Variants in OR56A3 observed in about 807,000 individuals in gnomAD.
OR56A3 encodes the protein olfactory receptor 56A3.
In OR56A3, 23 loss-of-function variants were observed where a neutral mutation model predicts 17.5. That is an observed-to-expected ratio of 1.32 (90% CI 0.95 to 1.87). The LOEUF is 1.87. Among genes scored for constraint, OR56A3 ranks in the 40% most tolerant of loss-of-function variants. OR56A3 has a pLI of 0.00. For synonymous variants in OR56A3, 175 were observed against 150.6 expected, an observed-to-expected ratio of 1.16 and a Z score of -1.19; for missense variants, 366 against 380.1, an observed-to-expected ratio of 0.96 and a Z score of 0.31.
downstream of OR56A3, among the ~76,000 whole-genome samples, chr11:5,954,052 T>C (rs1847921350): frequency 6.6e-6 from 1 of 152,144 alleles, no homozygotes; most frequent in African/African-American, 2.4e-5. Flanking sequence ...AAATGTGGAT[T>C]TTGGAACCTG....
the OR56A3 span, among the ~76,000 whole-genome samples, chr11:5,984,153 G>A: frequency 2.6e-5 from 4 of 152,170 alleles, no homozygotes; most frequent in African/African-American, 9.7e-5. Flanking sequence ...GGTTCCACTT[G>A]TATTTTCTAA....
chr11:5,986,379 A>G, the OR56A3 span: 3 of 1,613,814 alleles, frequency 1.9e-6, no homozygotes, highest in East Asian at 2.2e-5. Flanking sequence ...GGCAGAAGAT[A>G]AGTGTTCCCA....
the OR56A3 span, among the ~76,000 whole-genome samples, chr11:5,984,948 A>C: frequency 1.3e-5 from 2 of 152,218 alleles, no homozygotes; most frequent in East Asian, 3.8e-4. Flanking sequence ...TCAGGGCAAC[A>C]TCAACAAACA....
the OR56A3 span, among the ~76,000 whole-genome samples, chr11:5,970,060 G>C: frequency 6.6e-6 from 1 of 152,150 alleles, no homozygotes; most frequent in Non-Finnish European, 1.5e-5. Flanking sequence ...TGTTGTGGAG[G>C]CAGAGATTAT....
the OR56A3 span, among the ~76,000 whole-genome samples, chr11:6,011,443 T>C: frequency 6.6e-6 from 1 of 152,166 alleles, no homozygotes; most frequent in South Asian, 2.1e-4. Flanking sequence ...TCTCTCTTTC[T>C]CTGGATCAAG....
the OR56A3 span, chr11:5,967,725 A>G: frequency 3.1e-6 from 5 of 1,612,090 alleles, no homozygotes; most frequent in Non-Finnish European, 4.2e-6. Context: ...AACCAGCAGG[A>G]CTGTGGTGAA....
the OR56A3 span, among the ~76,000 whole-genome samples, chr11:5,997,216 T>C: frequency 1.3e-5 from 2 of 152,312 alleles, no homozygotes; most frequent in African/African-American, 4.8e-5. Flanking sequence ...CAGCAGATTT[T>C]GGGATATTGG....
the OR56A3 span, among the ~76,000 whole-genome samples, chr11:5,961,124 C>T: frequency 5.3e-5 from 8 of 150,540 alleles, no homozygotes; most frequent in Non-Finnish European, 7.4e-5. Flanking sequence ...CCGCCCCGTC[C>T]GGGAGGTGGG....
At chr11:5,984,843 C>T in the OR56A3 span, among the ~76,000 whole-genome samples, 1 of 152,118 alleles carries the variant, frequency 6.6e-6, no homozygotes, top group African/African-American at 2.4e-5. Context: ...ATCTTATCTC[C>T]CGAGCATCTT....
At chr11:6,007,841 G>T in the OR56A3 span, among the ~76,000 whole-genome samples, 1 of 152,194 alleles carries the variant, frequency 6.6e-6, no homozygotes, top group Non-Finnish European at 1.5e-5. Flanking sequence ...TGCTTTTCCT[G>T]TGAACCTTTC....
At chr11:5,962,464 T>C in the OR56A3 span, among the ~76,000 whole-genome samples, 22 of 152,248 alleles carry the variant, frequency 1.4e-4, no homozygotes, top group African/African-American at 3.8e-4. Context: ...TTGAGAAGAA[T>C]TGATGTTAGT....
Position 5,942,302 on chromosome 11 carries a change from C to G in OR56A3, c.-386C>G, listed in dbSNP as rs1014944638. ...TCTGTCTTCAGTCCCTATCTGTGCTCTTTTCCATTCCTGCGTCAATACTGC... is the reference window on the plus strand; with the variant it reads ...TCTGTCTTCAGTCCCTATCTGTGCTGTTTTCCATTCCTGCGTCAATACTGC... On this transcript the variant is annotated 5_prime_UTR_variant, in exon 1 of 3. Transcript: ENST00000641160. The G allele has an allele frequency of 1.3e-5, 2 of 152,168 alleles. No individual in the cohort carries two copies. The highest frequency in any genetic ancestry group is 4.8e-5 in the African/African-American group (2 of 41,444). 9.4% of individuals were successfully genotyped at this position (152,168 alleles called of 1,614,324 possible).
At chr11:6,001,886 C>A in the OR56A3 span, 1 of 617,674 alleles carries the variant, frequency 1.6e-6, no homozygotes, top group South Asian at 4.0e-5. Flanking sequence ...AACAAAGATT[C>A]ACAAATAAAT....
the OR56A3 span, among the ~76,000 whole-genome samples, chr11:5,958,270 A>T: frequency 8.5e-5 from 13 of 152,174 alleles, no homozygotes; most frequent in Non-Finnish European, 1.8e-4. Flanking sequence ...ATTTTAATAG[A>T]TGACTGCAAA....
At chr11:5,965,390 C>T in the OR56A3 span, among the ~76,000 whole-genome samples, 104 of 152,192 alleles carry the variant, frequency 6.8e-4, 2 homozygotes, top group South Asian at 0.011. Flanking sequence ...ACATCTTACC[C>T]GTGGCCAAAT....
the OR56A3 span, among the ~76,000 whole-genome samples, chr11:5,962,358 G>T: frequency 6.6e-6 from 1 of 152,090 alleles, no homozygotes; most frequent in Non-Finnish European, 1.5e-5. Context: ...TTTTCTTTGT[G>T]TGTGCGTGTT....
chr11:5,944,870 GA>G lies in OR56A3; in HGVS notation c.-248del, dbSNP rs1847858985. 6 of 152,208 alleles carry G rather than the reference GA, an allele frequency of 3.9e-5. No homozygotes were observed. The South Asian group carries it at 1.2e-3, about 32-fold the overall frequency. 9.4% of individuals were successfully genotyped at this position (152,208 alleles called of 1,614,324 possible). A position where few individuals can be genotyped will look rare whatever the true frequency, so the allele number is the denominator to read the frequency against. ...ATGAGGTGAAGGGCCATGCCTGGCA[GA>G]CTACATGGGGAATCAGAGGATCAAG... On this transcript the variant is annotated 5_prime_UTR_variant, in exon 2 of 3. The change abolishes the stop of an existing upstream ORF in the 5' untranslated region. Coordinates refer to ENST00000641160, the MANE Select transcript of OR56A3 (RefSeq NM_001003443.3).
At chr11:5,965,115 G>T in the OR56A3 span, among the ~76,000 whole-genome samples, 2 of 152,126 alleles carry the variant, frequency 1.3e-5, no homozygotes, top group Admixed American at 6.5e-5. Context: ...GGTCACTAGA[G>T]AATCCTATTC....
At chr11:5,983,405 A>G in the OR56A3 span, among the ~76,000 whole-genome samples, 1 of 150,950 alleles carries the variant, frequency 6.6e-6, no homozygotes, top group Non-Finnish European at 1.5e-5. Flanking sequence ...ATGCTACCTT[A>G]TTGTTATTGT....
Sources: allele counts gnomAD v4.1 joint callset (sites outside exome capture counted in the v4.1 genomes callset), GRCh38; gene constraint gnomAD v4.1.1; transcripts MANE v1.5; gene names NCBI Gene and HGNC (gene_info 2026-07-23, HGNC 2026-07-21).